Variants in SOD1 observed in about 807,000 individuals in gnomAD.
The protein encoded by SOD1 is superoxide dismutase [Cu-Zn].
SOD1 carries 8 observed loss-of-function variants against 15.9 expected under a neutral mutation model. The ratio of observed to expected loss-of-function variants is 0.50; its 90% confidence interval spans 0.30 to 0.91. The LOEUF (loss-of-function observed/expected upper bound fraction) is 0.91. SOD1 is among the 40% of genes least tolerant of loss of function. The pLI is 0.07. For missense variants in SOD1, 137 were observed against 194.5 expected (o/e 0.70, Z 1.76); for synonymous variants, 86 against 71.2 (o/e 1.21, Z -1.04).
At position 31,668,810 on chromosome 21, in the gene SOD1, CAG is replaced by C. The variant is rs1389762288; in HGVS notation, c.*234_*235del. ...TCTGTTTCAATGACCTGTATTTTGC[CAG>C]ACTTAAATCACAGATGGGTATTAAA... On this transcript the variant is annotated 3_prime_UTR_variant, in exon 5 of 5. Transcript: ENST00000270142. The C allele has an allele frequency of 4.0e-6, 2 of 504,774 alleles. No homozygotes were observed. Among genetic ancestry groups the C allele is most frequent in the Admixed American group, 6.6e-5 (2 of 30,440 alleles). 31.3% of individuals were successfully genotyped at this position (504,774 alleles called of 1,614,324 possible).
rs1601153292 is a variant in SOD1, at chr21:31,659,777, C to T, written c.8C>T (p.Thr3Met). MA[T>M]KAVCVLKGDG... ...GGCGTGGCCTAGCGAGTTATGGCGACGAAGGCCGTGTGCGTGCTGAAGGGC... is the reference window on the plus strand; with the variant it reads ...GGCGTGGCCTAGCGAGTTATGGCGATGAAGGCCGTGTGCGTGCTGAAGGGC... Residue 3 changes from threonine to methionine, a missense_variant, in exon 1 of 5, where the codon ACG (threonine) becomes ATG (methionine). By Grantham distance (81) the Thr-to-Met change is moderately conservative. Coordinates refer to ENST00000270142, the MANE Select transcript of SOD1 (RefSeq NM_000454.5). 6.2e-7 allele frequency: 1 copy of T among 1,613,918 alleles called. No homozygotes were observed. The highest frequency in any genetic ancestry group is 1.7e-5 in the Admixed American group (1 of 60,036).
In SOD1 at chr21:31,666,742, A is replaced by G; in HGVS notation, c.239+224A>G. ...ACTTAAAACGATTTGGTTTTGTAGC[A>G]TTTATTGAATATAGAACTAATACAA... On this transcript the variant is annotated intron_variant, in intron 3 of 4. Transcript: ENST00000270142. 6.9e-6 allele frequency: 4 copies of G among 579,784 alleles called. No individual in the cohort carries two copies. The South Asian group carries it at 7.8e-5, about 11-fold the overall frequency. 35.9% of individuals were successfully genotyped at this position (579,784 alleles called of 1,614,324 possible).
At chr21:31,663,638 G>T (rs1002006227) in intron 1 of SOD1, 152 bp from the exon 2 acceptor site, 5 of 629,198 alleles carry the variant, frequency 7.9e-6, no homozygotes, top group Admixed American at 4.3e-5. Flanking sequence ...CTTGCTGGAG[G>T]TTCACTGGCT....
chr21:31,667,438 C>T, intron 4 of SOD1, 63 bp downstream of exon 4: 1 of 1,184,048 alleles, frequency 8.4e-7, no homozygotes, highest in Non-Finnish European at 1.3e-6. Context: ...TATCTTTTCA[C>T]TTTGATTGTT....
chr21:31,667,143 C>T, intron 3 of SOD1, 115 bp from the exon 4 acceptor site: 1 of 749,236 alleles, frequency 1.3e-6, no homozygotes, highest in Non-Finnish European at 2.4e-6. Flanking sequence ...TTTAGAATGC[C>T]TAGCTACTTG....
chr21:31,661,332 C>T lies in SOD1; in HGVS notation c.72+1491C>T, dbSNP rs894402049. On this transcript the variant is annotated intron_variant, in intron 1 of 4. Coordinates refer to ENST00000270142, the MANE Select transcript of SOD1 (RefSeq NM_000454.5). ...TTTCATTTGTCAGACTTCTTTTTGT[C>T]CCTCTTTACTTCTCCCCACATAATT... 3.3e-5 allele frequency among the ~76,000 whole-genome samples: 5 copies of T among 152,170 alleles called. No individual in the cohort carries two copies. The East Asian group carries it at 7.7e-4, about 24-fold the overall frequency.
intron 1 of SOD1, among the ~76,000 whole-genome samples, chr21:31,662,107 G>GT (rs1341318923): frequency 2.6e-5 from 4 of 152,080 alleles, no homozygotes; most frequent in Admixed American, 6.5e-5. Flanking sequence ...TCATAGCCTG[G>GT]TCCCTGCAGG....
chr21:31,666,517 A>C lies in SOD1; in HGVS notation c.238A>C (p.Arg80=). ...RKHGGPKDEE[R]HVGDLGNVTA... ...ACACGGTGGGCCAAAGGATGAAGAG[A>C]GGTAACAAGATGCTTAACTCTTGTA... is the stretch of plus-strand genomic sequence containing the variant. Residue 80 remains arginine, a splice_region_variant and synonymous_variant, in exon 3 of 5, where the codon AGG becomes CGG. Transcript: ENST00000270142. The C allele has an allele frequency of 6.2e-7, 1 of 1,606,828 alleles. No homozygotes were observed. Among genetic ancestry groups the C allele is most frequent in the East Asian group, 2.2e-5 (1 of 44,824 alleles).
intron 2 of SOD1, chr21:31,664,301 G>A: frequency 7.2e-6 from 2 of 278,318 alleles, no homozygotes; most frequent in Non-Finnish European, 1.4e-5. Flanking sequence ...TTAAAAAAGA[G>A]GTCAACTTTA....
chr21:31,663,853 T>G lies in SOD1; in HGVS notation c.136T>G (p.Phe46Val). Residue 46 changes from phenylalanine (F) to valine (V), a missense_variant, in exon 2 of 5, where the codon TTC (phenylalanine) becomes GTC (valine). Coordinates refer to ENST00000270142, the MANE Select transcript of SOD1 (RefSeq NM_000454.5). The stretch of plus-strand genomic sequence containing the variant: ...AGGACTGACTGAAGGCCTGCATGGA[T>G]TCCATGTTCATGAGTTTGGAGATAA... ...IKGLTEGLHGFHVHEFGDNTA... is the reference protein window; with the variant it reads ...IKGLTEGLHGVHVHEFGDNTA... 6.2e-7 allele frequency: 1 copy of G among 1,613,662 alleles called. No individual in the cohort carries two copies. The highest frequency in any genetic ancestry group is 1.1e-5 in the South Asian group (1 of 91,082).
At chr21:31,663,925 C>A in intron 2 of SOD1, 39 bp downstream of exon 2, 3 of 1,474,638 alleles carry the variant, frequency 2.0e-6, no homozygotes, top group East Asian at 2.3e-5. Flanking sequence ...TACTTGTTCA[C>A]CCTAGTTAGA....
Position 31,668,605 on chromosome 21 carries a change from C to A in SOD1, c.*27C>A. ...CATTCCCTTGGATGTAGTCTGAGGC[C>A]CCTTAACTCATCTGTTATCCTGCTA... is the stretch of plus-strand genomic sequence containing the variant. On this transcript the variant is annotated 3_prime_UTR_variant, in exon 5 of 5. Coordinates refer to ENST00000270142, the MANE Select transcript of SOD1 (RefSeq NM_000454.5). 6.8e-7 allele frequency: 1 copy of A among 1,466,916 alleles called. No individual in the cohort carries two copies. Among genetic ancestry groups the A allele is most frequent in the Non-Finnish European group, 9.6e-7 (1 of 1,045,532 alleles). The allele number at this position is 1,466,916 out of a possible 1,614,324, so 90.9% of individuals were successfully genotyped here.
chr21:31,662,889 C>T (rs557663324), intron 1 of SOD1, among the ~76,000 whole-genome samples: 3 of 152,048 alleles, frequency 2.0e-5, no homozygotes, highest in Non-Finnish European at 4.4e-5. Flanking sequence ...GTGGTGGGCG[C>T]CTGTAGTCCC....
Position 31,659,724 on chromosome 21 carries a change from C to T in SOD1, c.-46C>T, listed in dbSNP as rs763699755. On this transcript the variant is annotated 5_prime_UTR_variant, in exon 1 of 5. Coordinates refer to ENST00000270142, the MANE Select transcript of SOD1 (RefSeq NM_000454.5). Reference sequence around the variant, plus strand: ...TAGTCTCCTGCAGCGTCTGGGGTTTCCGTTGCAGTCCTCGGAACCAGGACC... The same window carrying T: ...TAGTCTCCTGCAGCGTCTGGGGTTTTCGTTGCAGTCCTCGGAACCAGGACC... 6 of 1,598,200 alleles carry T rather than the reference C, an allele frequency of 3.8e-6. No homozygotes were observed. Among genetic ancestry groups the T allele is most frequent in the South Asian group, 3.3e-5 (3 of 90,754 alleles).
At chr21:31,662,805 C>G (rs1198175542) in intron 1 of SOD1, among the ~76,000 whole-genome samples, 1 of 152,096 alleles carries the variant, frequency 6.6e-6, no homozygotes, top group Non-Finnish European at 1.5e-5. Flanking sequence ...ACGAGGTCAG[C>G]AGATGGAGAC....
intron 2 of SOD1, among the ~76,000 whole-genome samples, chr21:31,665,451 C>T (rs756466159): frequency 4.6e-5 from 7 of 152,104 alleles, no homozygotes; most frequent in African/African-American, 1.2e-4. Context: ...GAAATTCCCC[C>T]GAGTTGCTTT....
In SOD1 at chr21:31,667,392, G is replaced by A; in HGVS notation, c.357+17G>A. The A allele has an allele frequency of 1.3e-6, 2 of 1,523,428 alleles. No homozygotes were observed. The highest frequency in any genetic ancestry group is 2.2e-5 in the South Asian group (2 of 89,258). The allele number at this position is 1,523,428 out of a possible 1,614,324, so 94.4% of individuals were successfully genotyped here. Reference sequence around the variant, plus strand: ...ACACTGGTGGTAAGTTTTCATAAAAGGATATGCATAAAACTTCTTCTAACA... The same window carrying A: ...ACACTGGTGGTAAGTTTTCATAAAAAGATATGCATAAAACTTCTTCTAACA... On this transcript the variant is annotated intron_variant, in intron 4 of 4. Transcript: ENST00000270142.
chr21:31,667,227 C>G, intron 3 of SOD1, 31 bp from the exon 4 acceptor site: 1 of 1,492,684 alleles, frequency 6.7e-7, no homozygotes, highest in Non-Finnish European at 9.4e-7. Flanking sequence ...TGGCATCAGC[C>G]CTAATCCATC....
intron 2 of SOD1, among the ~76,000 whole-genome samples, chr21:31,665,970 G>GT (rs397866461): frequency 0.042 from 5,338 of 128,278 alleles, 143 homozygotes; most frequent in Non-Finnish European, 0.047. Flanking sequence ...ACTTGGTGGG[G>GT]TTTTTTTTTT....
Sources: allele counts gnomAD v4.1 joint callset (sites outside exome capture counted in the v4.1 genomes callset), GRCh38; gene constraint gnomAD v4.1.1; transcripts MANE v1.5; gene names NCBI Gene and HGNC (gene_info 2026-07-23, HGNC 2026-07-21).